The following PTPN5 variants were observed in gnomAD, a reference collection of about 807,000 sequenced individuals.
The protein encoded by PTPN5 is tyrosine-protein phosphatase non-receptor type 5.
PTPN5 carries 29 observed loss-of-function variants against 73.9 expected under a neutral mutation model. The ratio of observed to expected loss-of-function variants is 0.39; its 90% confidence interval spans 0.29 to 0.54. The LOEUF is 0.54. Among genes scored for constraint, PTPN5 ranks in the 20% least tolerant of loss-of-function variants. The pLI, the probability that PTPN5 is intolerant of heterozygous loss-of-function variation, is 0.65. For synonymous variants in PTPN5, 267 were observed against 304.7 expected, an observed-to-expected ratio of 0.88 and a Z score of 1.29; for missense variants, 652 against 751.4, an observed-to-expected ratio of 0.87 and a Z score of 1.55.
chr11:18,788,066 C>T (rs979429546), intron 1 of PTPN5, among the ~76,000 whole-genome samples: 6 of 152,158 alleles, frequency 3.9e-5, no homozygotes, highest in Non-Finnish European at 8.8e-5. Context: ...GGCCATTCAG[C>T]CTCAAAGCCT....
At chr11:18,761,143 T>C (rs532575168) in intron 3 of PTPN5, among the ~76,000 whole-genome samples, 110 of 152,338 alleles carry the variant, frequency 7.2e-4, no homozygotes, top group African/African-American at 2.5e-3. Context: ...GGGTCTTTAT[T>C]GGCAGTCTGA....
intron 3 of PTPN5, among the ~76,000 whole-genome samples, chr11:18,761,813 GA>G (rs1317786704): frequency 6.6e-6 from 1 of 152,212 alleles, no homozygotes; most frequent in Non-Finnish European, 1.5e-5. Context: ...ATGCAGAGTG[GA>G]AGCCGCGGGA....
chr11:18,761,826 G>A (rs1205171738), intron 3 of PTPN5, among the ~76,000 whole-genome samples: 2 of 152,200 alleles, frequency 1.3e-5, no homozygotes, highest in Non-Finnish European at 2.9e-5. Context: ...GCCGCGGGAT[G>A]GAGGGATGGA....
At chr11:18,788,571 C>T (rs1434224649) in intron 1 of PTPN5, among the ~76,000 whole-genome samples, 4 of 152,202 alleles carry the variant, frequency 2.6e-5, no homozygotes, top group African/African-American at 9.6e-5. Flanking sequence ...TTTCTTCTAA[C>T]GTACAAATCA....
At chr11:18,748,042 A>G (rs1453831561) in intron 3 of PTPN5, among the ~76,000 whole-genome samples, 2 of 152,242 alleles carry the variant, frequency 1.3e-5, no homozygotes, top group Non-Finnish European at 2.9e-5. Context: ...GTGTGTATAC[A>G]TACACAGACA....
At chr11:18,788,727 A>C (rs1851781415) in intron 1 of PTPN5, among the ~76,000 whole-genome samples, 1 of 152,212 alleles carries the variant, frequency 6.6e-6, no homozygotes, top group Non-Finnish European at 1.5e-5. Flanking sequence ...AATACGACAC[A>C]GAACAAAGAG....
intron 7 of PTPN5, among the ~76,000 whole-genome samples, chr11:18,741,345 T>C (rs1176133968): frequency 6.6e-6 from 1 of 152,094 alleles, no homozygotes; most frequent in African/African-American, 2.4e-5. Flanking sequence ...GCCGCAAGGA[T>C]GTCTACAATG....
rs933471662 is a variant in PTPN5 at position 18,729,070 on chromosome 11, A to G, written c.1605-43T>C. 6.3e-6 allele frequency: 10 copies of G among 1,599,468 alleles called. No homozygotes were observed. Among genetic ancestry groups the G allele is most frequent in the Non-Finnish European group, 8.5e-6 (10 of 1,172,408 alleles). On this transcript the variant is annotated intron_variant, in intron 14 of 14. Coordinates refer to ENST00000358540, the MANE Select transcript of PTPN5 (RefSeq NM_006906.2). This position sits in a 1 kb window ranked among gnomAD's most constrained non-coding sequence, Gnocchi z 5.2. ...ACAGTGGGGGCAGGGTCGTGGAGGGATGGGCTGTGGGAGGTGCCCCAAAAG... is the reference window on the plus strand; with the variant it reads ...ACAGTGGGGGCAGGGTCGTGGAGGGGTGGGCTGTGGGAGGTGCCCCAAAAG...
rs115027872 is a variant in PTPN5, at chr11:18,743,584, C to T, written c.292-155G>A. 1.3e-3 allele frequency: 882 copies of T among 667,556 alleles called. 11 individuals are homozygous for T. In the African/African-American group the frequency reaches 0.014, roughly 10 times the overall value. The allele number at this position is 667,556 out of a possible 1,614,324, so 41.4% of individuals were successfully genotyped here. A position where few individuals can be genotyped will look rare whatever the true frequency, so the allele number is the denominator to read the frequency against. Reference sequence around the variant, plus strand: ...AGCTGAGAGCAGGGCCCCGGTGCTGCGTGCCCGGGGAGGCCTCAGGACTCT... The same window carrying T: ...AGCTGAGAGCAGGGCCCCGGTGCTGTGTGCCCGGGGAGGCCTCAGGACTCT... On this transcript the variant is annotated intron_variant, in intron 4 of 14. Coordinates refer to ENST00000358540, the MANE Select transcript of PTPN5 (RefSeq NM_006906.2).
Position 18,729,439 on chromosome 11 carries a change from G to A in PTPN5, c.1604+14C>T, listed in dbSNP as rs1407644134. 3.9e-6 allele frequency: 5 copies of A among 1,297,214 alleles called. No homozygotes were observed. The highest frequency in any genetic ancestry group is 2.3e-4 in the Middle Eastern group (1 of 4,414). The allele number at this position is 1,297,214 out of a possible 1,614,324, so 80.4% of individuals were successfully genotyped here. A position where few individuals can be genotyped will look rare whatever the true frequency, so the allele number is the denominator to read the frequency against. On this transcript the variant is annotated intron_variant, in intron 14 of 14. Coordinates refer to ENST00000358540, the MANE Select transcript of PTPN5 (RefSeq NM_006906.2). This position sits in a 1 kb window ranked among gnomAD's most constrained non-coding sequence, Gnocchi z 5.2. ...AGCTCCCTTGTGTGTCCCCACTCCC[G>A]CCCGTGGGCTGACCTGTCCTGACGG...
At chr11:18,782,250 T>TG (rs1302527283) in intron 1 of PTPN5, among the ~76,000 whole-genome samples, 3 of 151,254 alleles carry the variant, frequency 2.0e-5, no homozygotes, top group Non-Finnish European at 4.4e-5. Flanking sequence ...TTTTTGGAGA[T>TG]GGAGTCTCGT....
At position 18,733,558 on chromosome 11, in the gene PTPN5, G is replaced by A. The variant is rs1564887707; in HGVS notation, c.1078C>T (p.Arg360Trp). 1 of 1,614,114 alleles carries A rather than the reference G, an allele frequency of 6.2e-7. No individual in the cohort carries two copies. The highest frequency in any genetic ancestry group is 1.3e-5 in the African/African-American group (1 of 75,060). Residue 360 changes from arginine to tryptophan, a missense_variant and splice_region_variant, in exon 10 of 15, where the codon CGG becomes TGG. By Grantham distance (101) the Arg-to-Trp change is moderately radical. Transcript: ENST00000358540. The surrounding 1 kb of genome is among the most constrained non-coding windows in gnomAD (Gnocchi z 4.3). ...GCCGTCAGGGTGGGAATACGTACCC[G>A]GATGTAGTTGGCATTGATGTAGGAA... ...LSSYINANYIRGYGGEEKVYI... is the reference protein window; with the variant it reads ...LSSYINANYIWGYGGEEKVYI...
At chr11:18,787,036 AC>A (rs1367642899) in intron 1 of PTPN5, among the ~76,000 whole-genome samples, 1 of 152,198 alleles carries the variant, frequency 6.6e-6, no homozygotes, top group Non-Finnish European at 1.5e-5. Flanking sequence ...ATGAAGAAAG[AC>A]CAAAAATGTT....
intron 3 of PTPN5, among the ~76,000 whole-genome samples, chr11:18,746,170 T>TAA (rs1564901228): frequency 3.0e-5 from 3 of 100,240 alleles, no homozygotes; most frequent in African/African-American, 8.5e-5. Context: ...TAAATATATA[T>TAA]ATATATATAT....
At chr11:18,743,602 A>G in intron 4 of PTPN5, 173 bp from the exon 5 acceptor site, 1 of 623,304 alleles carries the variant, frequency 1.6e-6, no homozygotes, top group Non-Finnish European at 2.8e-6. Context: ...GGGAGGCCTC[A>G]GGACTCTCCT....
chr11:18,735,039 T>C (rs1473015397), intron 9 of PTPN5, among the ~76,000 whole-genome samples: 1 of 152,228 alleles, frequency 6.6e-6, no homozygotes, highest in East Asian at 1.9e-4. Context: ...CATTCCACAA[T>C]GACCTTGCTT....
intron 1 of PTPN5, among the ~76,000 whole-genome samples, chr11:18,786,563 A>T (rs996885612): frequency 6.6e-6 from 1 of 152,228 alleles, no homozygotes; most frequent in Non-Finnish European, 1.5e-5. Flanking sequence ...TTTTGGTGAT[A>T]ACACTGCTTA....
intron 2 of PTPN5, among the ~76,000 whole-genome samples, chr11:18,768,937 C>G (rs902084066): frequency 2.0e-5 from 3 of 152,118 alleles, no homozygotes; most frequent in African/African-American, 7.2e-5. Flanking sequence ...TCTCTCCTTC[C>G]CCACTTCTAT....
intron 2 of PTPN5, among the ~76,000 whole-genome samples, chr11:18,770,802 G>A (rs1850852294): frequency 6.6e-6 from 1 of 152,200 alleles, no homozygotes; most frequent in Admixed American, 6.5e-5. Context: ...CCAGTGCTGG[G>A]TGCTGGAGAT....
Sources: gnomAD v4.1 joint callset for allele counts (sites outside exome capture counted in the v4.1 genomes callset) on GRCh38, gnomAD v4.1.1 for gene constraint, Gnocchi (gnomAD v3.1) non-coding constraint, MANE v1.5 for transcripts, NCBI Gene and HGNC (gene_info 2026-07-23, HGNC 2026-07-21) for gene names.